The following GADL1 variants were observed in gnomAD, a reference collection of about 807,000 sequenced individuals.
GADL1 encodes the protein acidic amino acid decarboxylase GADL1.
Under a neutral mutation model 69.5 loss-of-function variants are expected in GADL1, and 71 were observed. The observed-to-expected ratio is 1.02, with a 90% CI of 0.84 to 1.25. The LOEUF is 1.25. Among genes scored for constraint, GADL1 ranks in the 50% most tolerant of loss-of-function variants. The pLI is 0.00. For synonymous variants in GADL1, 254 were observed against 214.4 expected, an observed-to-expected ratio of 1.18 and a Z score of -1.62; for missense variants, 737 against 631.8, an observed-to-expected ratio of 1.17 and a Z score of -1.79.
intron 9 of GADL1, among the ~76,000 whole-genome samples, chr3:30,838,392 A>C (rs1421782254): frequency 6.6e-6 from 1 of 152,186 alleles, no homozygotes; most frequent in Non-Finnish European, 1.5e-5. Context: ...AGGACTTACA[A>C]AAATTCTTTT....
chr3:30,829,330 T>C (rs28523329), intron 11 of GADL1, among the ~76,000 whole-genome samples: 55,114 of 151,668 alleles, frequency 0.36, 13,817 homozygotes, highest in African/African-American at 0.67. Flanking sequence ...CACAGGAAAT[T>C]AAAAATGCAA....
chr3:30,822,243 A>T (rs1697595077), intron 11 of GADL1, among the ~76,000 whole-genome samples: 1 of 152,074 alleles, frequency 6.6e-6, no homozygotes, highest in Non-Finnish European at 1.5e-5. Context: ...TGTTTCTGGC[A>T]GTCACTGATC....
At chr3:30,821,585 T>C (rs1344857429) in intron 11 of GADL1, among the ~76,000 whole-genome samples, 1 of 151,952 alleles carries the variant, frequency 6.6e-6, no homozygotes, top group Admixed American at 6.6e-5. Flanking sequence ...TGAATAAATA[T>C]TACTAGGTTG....
In GADL1 at chr3:30,861,642, C is replaced by T. The variant is rs1463040364; in HGVS notation, c.161G>A (p.Arg54Lys). ...AGEKFVEEAC[R>K]LIMEEVVLKA... ...CAAAACCACCTCTTCCATTATTAGC[C>T]TACAGGCCTCTTCAACAAATTTTTC... Residue 54 changes from arginine (R) to lysine (K), a missense_variant, in exon 2 of 15, where the codon AGG becomes AAG. Physicochemically the swap from Arg to Lys is conservative, Grantham distance 26. Transcript: ENST00000282538. 1.9e-6 allele frequency: 3 copies of T among 1,550,312 alleles called. No homozygotes were observed. The highest frequency in any genetic ancestry group is 4.9e-5 in the East Asian group (2 of 40,874).
chr3:30,836,263 AG>A (rs1697871995), intron 9 of GADL1, among the ~76,000 whole-genome samples: 1 of 152,024 alleles, frequency 6.6e-6, no homozygotes, highest in Non-Finnish European at 1.5e-5. Context: ...TTCTCCAAAA[AG>A]GTAAATAATC....
At chr3:30,756,581 G>A (rs370335394) in intron 14 of GADL1, among the ~76,000 whole-genome samples, 6 of 152,052 alleles carry the variant, frequency 3.9e-5, no homozygotes, top group African/African-American at 1.2e-4. Flanking sequence ...AGAAGTAATC[G>A]TGTGCTAAAT....
At chr3:30,828,613 C>T (rs914001968) in intron 11 of GADL1, among the ~76,000 whole-genome samples, 1 of 151,800 alleles carries the variant, frequency 6.6e-6, no homozygotes, top group African/African-American at 2.4e-5. Context: ...TGTGTCAATA[C>T]ACTGAGCCAA....
intron 2 of GADL1, among the ~76,000 whole-genome samples, chr3:30,860,134 C>A (rs1698298808): frequency 6.6e-6 from 1 of 151,898 alleles, no homozygotes; most frequent in Non-Finnish European, 1.5e-5. Flanking sequence ...AAAATTCTCA[C>A]TTGCCCTTTA....
chr3:30,749,633 T>G (rs1695769319), intron 14 of GADL1, among the ~76,000 whole-genome samples: 1 of 152,200 alleles, frequency 6.6e-6, no homozygotes, highest in African/African-American at 2.4e-5. Flanking sequence ...TGTGTGTCTG[T>G]GTTTGTGGTC....
At chr3:30,755,083 C>T (rs1238988923) in intron 14 of GADL1, among the ~76,000 whole-genome samples, 1 of 152,086 alleles carries the variant, frequency 6.6e-6, no homozygotes, top group Non-Finnish European at 1.5e-5. Context: ...CCAGGGACAA[C>T]GCAGTGCTTC....
chr3:30,737,575 C>T (rs1156869632), intron 14 of GADL1, among the ~76,000 whole-genome samples: 1 of 152,066 alleles, frequency 6.6e-6, no homozygotes, highest in Admixed American at 6.6e-5. Context: ...TTACTCATTT[C>T]CCCTGATACC....
At chr3:30,805,941 T>C (rs1223093443) in intron 11 of GADL1, among the ~76,000 whole-genome samples, 1 of 151,926 alleles carries the variant, frequency 6.6e-6, no homozygotes, top group Non-Finnish European at 1.5e-5. Context: ...TATGAGAATC[T>C]AATGCCAAGA....
chr3:30,853,730 CT>C (rs1405271091), intron 4 of GADL1, among the ~76,000 whole-genome samples: 2 of 152,142 alleles, frequency 1.3e-5, no homozygotes, highest in African/African-American at 4.8e-5. Flanking sequence ...TATTTTCAAG[CT>C]GTGTATCCCA....
chr3:30,773,563 A>C (rs879477757), intron 14 of GADL1, among the ~76,000 whole-genome samples: 2 of 152,188 alleles, frequency 1.3e-5, no homozygotes, highest in African/African-American at 2.4e-5. Context: ...TTAAGCATAA[A>C]ATTTCGATAT....
intron 14 of GADL1, among the ~76,000 whole-genome samples, chr3:30,755,405 A>G (rs1010102390): frequency 4.6e-5 from 7 of 152,182 alleles, no homozygotes; most frequent in Non-Finnish European, 1.0e-4. Flanking sequence ...ATATTCTAAT[A>G]AGCTAAAAAC....
chr3:30,874,394 A>G (rs889934227), intron 1 of GADL1, among the ~76,000 whole-genome samples: 1 of 151,936 alleles, frequency 6.6e-6, no homozygotes, highest in African/African-American at 2.4e-5. Flanking sequence ...TCATAGTGAC[A>G]CTGGCCTGGG....
In GADL1 at chr3:30,785,216, GTTAA is replaced by G. The variant is rs960863671; in HGVS notation, c.1302+1135_1302+1138del. On this transcript the variant is annotated intron_variant, in intron 13 of 14. Transcript: ENST00000282538. ...TGTTTTAAGACTACCTGATTTCCCT[GTTAA>G]TTAATTTGCTTAATTAGTGCCTTTC... Among the ~76,000 whole-genome samples, 39 of 151,652 alleles carry G rather than the reference GTTAA, an allele frequency of 2.6e-4. 1 individual carries two copies. Among genetic ancestry groups the G allele is most frequent in the Middle Eastern group, 3.4e-3 (1 of 294 alleles).
chr3:30,885,504 T>C (rs1399645167), intron 1 of GADL1, among the ~76,000 whole-genome samples: 1 of 152,058 alleles, frequency 6.6e-6, no homozygotes, highest in African/African-American at 2.4e-5. Context: ...TTGTTTTCTT[T>C]TTGACAGAAA....
chr3:30,771,410 A>AT (rs1696415956), intron 14 of GADL1, among the ~76,000 whole-genome samples: 1 of 152,152 alleles, frequency 6.6e-6, no homozygotes, highest in Non-Finnish European at 1.5e-5. Context: ...GGGAAAGAGC[A>AT]TACGGTATCT....
Sources: allele counts gnomAD v4.1 joint callset (sites outside exome capture counted in the v4.1 genomes callset), GRCh38; gene constraint gnomAD v4.1.1; transcripts MANE v1.5; gene names NCBI Gene and HGNC (gene_info 2026-07-23, HGNC 2026-07-21).